P4HB: variants seen among roughly 807,000 people sequenced by gnomAD.
P4HB encodes the protein protein disulfide-isomerase.
A neutral mutation model predicts 52.6 loss-of-function variants in P4HB; 20 were observed. The observed-to-expected ratio is 0.38, with a 90% CI of 0.27 to 0.55. The LOEUF (loss-of-function observed/expected upper bound fraction) is 0.55, where lower values mean the gene tolerates loss of function less well. Ranked by LOEUF, P4HB falls within the 20% of genes least tolerant of loss-of-function variation. The pLI, the probability that P4HB is intolerant of heterozygous loss-of-function variation, is 0.74. For missense variants in P4HB, 601 were observed against 669.2 expected (o/e 0.90, Z 1.12); for synonymous variants, 296 against 277.9 (o/e 1.07, Z -0.65).
chr17:81,855,127 C>A lies in P4HB; in HGVS notation c.624+15G>T. 1 of 1,613,784 alleles carries A rather than the reference C, an allele frequency of 6.2e-7. No homozygotes were observed. Among genetic ancestry groups the A allele is most frequent in the South Asian group, 1.1e-5 (1 of 91,078 alleles). On this transcript the variant is annotated intron_variant, in intron 4 of 10. Transcript: ENST00000331483. This position sits in a 1 kb window ranked among gnomAD's most constrained non-coding sequence, Gnocchi z 4.3. Reference sequence around the variant, plus strand: ...CCCAGAACTAACCTGGGCAGAGCTGCCTGGGGCCACTCACCTTCTTAAAGA... The same window carrying A: ...CCCAGAACTAACCTGGGCAGAGCTGACTGGGGCCACTCACCTTCTTAAAGA...
Position 81,843,454 on chromosome 17 carries a change from G to T in P4HB, c.*558C>A. The T allele has an allele frequency of 2.5e-6, 1 of 399,740 alleles. No homozygotes were observed. The highest frequency in any genetic ancestry group is 4.4e-5 in the Admixed American group (1 of 22,860). 24.8% of individuals were successfully genotyped at this position (399,740 alleles called of 1,614,324 possible). On this transcript the variant is annotated 3_prime_UTR_variant, in exon 11 of 11. Coordinates refer to ENST00000331483, the MANE Select transcript of P4HB (RefSeq NM_000918.4). ...ACCAGCTCCTCTTCCAGGCATGGGG[G>T]ACACCCTGACAGGATCCGGAAGTCT...
rs2038984095 is a variant in P4HB, at chr17:81,860,523, G to A, written c.-52C>T. On this transcript the variant is annotated 5_prime_UTR_variant, in exon 1 of 11. Coordinates refer to ENST00000331483, the MANE Select transcript of P4HB (RefSeq NM_000918.4). The stretch of plus-strand genomic sequence containing the variant: ...TCGGTTGGCGCCGCCGGGACAGCGG[G>A]GGCGACGAGAGCGCGCGCCGGTCCC... 1.6e-6 allele frequency: 2 copies of A among 1,231,174 alleles called. No individual in the cohort carries two copies. Among genetic ancestry groups the A allele is most frequent in the Non-Finnish European group, 2.0e-6 (2 of 985,328 alleles). The allele number at this position is 1,231,174 out of a possible 1,614,324, so 76.3% of individuals were successfully genotyped here. A position where few individuals can be genotyped will look rare whatever the true frequency, so the allele number is the denominator to read the frequency against.
rs995356961 is a variant in P4HB, at chr17:81,843,725, G to A, written c.*287C>T. 6.3e-6 allele frequency: 3 copies of A among 476,168 alleles called. No individual in the cohort carries two copies. Among genetic ancestry groups the A allele is most frequent in the Non-Finnish European group, 1.1e-5 (3 of 269,972 alleles). The allele number at this position is 476,168 out of a possible 1,614,324, so 29.5% of individuals were successfully genotyped here. A position where few individuals can be genotyped will look rare whatever the true frequency, so the allele number is the denominator to read the frequency against. Reference sequence around the variant, plus strand: ...AGCGAGACTCCGAACACGGTAGCAAGCACTCTGGACAGACTCATGTATGAA... The same window carrying A: ...AGCGAGACTCCGAACACGGTAGCAAACACTCTGGACAGACTCATGTATGAA... On this transcript the variant is annotated 3_prime_UTR_variant, in exon 11 of 11. Transcript: ENST00000331483.
intron 2 of P4HB, among the ~76,000 whole-genome samples, chr17:81,856,767 G>A (rs1311975931): frequency 1.3e-5 from 2 of 149,852 alleles, no homozygotes; most frequent in Non-Finnish European, 3.0e-5. Flanking sequence ...CTCCTGCCTC[G>A]GCCTCCCAAA....
At position 81,843,700 on chromosome 17, in the gene P4HB, A is replaced by G; in HGVS notation, c.*312T>C. The G allele has an allele frequency of 2.3e-6, 1 of 430,994 alleles. No individual in the cohort carries two copies. Among genetic ancestry groups the G allele is most frequent in the Non-Finnish European group, 4.1e-6 (1 of 244,176 alleles). The allele number at this position is 430,994 out of a possible 1,614,324, so 26.7% of individuals were successfully genotyped here. A position where few individuals can be genotyped will look rare whatever the true frequency, so the allele number is the denominator to read the frequency against. ...GAGAAACCTCCCGCGGGAGGGAGGC[A>G]GCGAGACTCCGAACACGGTAGCAAG... On this transcript the variant is annotated 3_prime_UTR_variant, in exon 11 of 11. Coordinates refer to ENST00000331483, the MANE Select transcript of P4HB (RefSeq NM_000918.4).
At chr17:81,856,647 CTTTTTTT>C (rs112230345) in intron 2 of P4HB, among the ~76,000 whole-genome samples, 2 of 128,470 alleles carry the variant, frequency 1.6e-5, no homozygotes, top group Non-Finnish European at 3.3e-5. Context: ...AATGTTTCTT[CTTTTTTT>C]TTTTTTTTTT....
chr17:81,859,346 A>G lies in P4HB; in HGVS notation c.187T>C (p.Tyr63His). 5 of 1,613,748 alleles carry G rather than the reference A, an allele frequency of 3.1e-6. No individual in the cohort carries two copies. The highest frequency in any genetic ancestry group is 4.2e-6 in the Non-Finnish European group (5 of 1,180,002). Reference sequence around the variant, plus strand: ...TTCAGCTTCCCAGCGGCTTTGGCATACTCAGGGGCCAGAGCCTTGCAGTGG... The same window carrying G: ...TTCAGCTTCCCAGCGGCTTTGGCATGCTCAGGGGCCAGAGCCTTGCAGTGG... ...CGHCKALAPE[Y>H]AKAAGKLKAE... Residue 63 changes from tyrosine to histidine, a missense_variant, in exon 2 of 11, where the codon TAT becomes CAT. Tyr to His is a moderately conservative substitution (Grantham distance 83, BLOSUM62 2). Coordinates refer to ENST00000331483, the MANE Select transcript of P4HB (RefSeq NM_000918.4).
At chr17:81,844,150 G>A (rs2038695596) in intron 10 of P4HB, 58 bp from the exon 11 acceptor site, 7 of 1,198,388 alleles carry the variant, frequency 5.8e-6, no homozygotes, top group East Asian at 2.3e-5. Context: ...TGAGGCTGCC[G>A]GCCCCCAGCA....
chr17:81,844,164 C>A (rs1392014565), intron 10 of P4HB, 72 bp from the exon 11 acceptor site: 4 of 1,015,942 alleles, frequency 3.9e-6, no homozygotes, highest in African/African-American at 3.2e-5. Context: ...CCCAGCACCC[C>A]ACACTGCTCA....
chr17:81,843,357 G>A lies in P4HB; in HGVS notation c.*655C>T, dbSNP rs546905510. ...AGGCCAGTGGTCACAATGAGCCCACGACAGGAGGAGGAGCCCTGGCTTGAG... is the reference window on the plus strand; with the variant it reads ...AGGCCAGTGGTCACAATGAGCCCACAACAGGAGGAGGAGCCCTGGCTTGAG... On this transcript the variant is annotated 3_prime_UTR_variant, in exon 11 of 11. Coordinates refer to ENST00000331483, the MANE Select transcript of P4HB (RefSeq NM_000918.4). 30 of 397,208 alleles carry A rather than the reference G, an allele frequency of 7.6e-5. No homozygotes were observed. Among genetic ancestry groups the A allele is most frequent in the East Asian group, 3.2e-4 (9 of 28,024 alleles). The allele number at this position is 397,208 out of a possible 1,614,324, so 24.6% of individuals were successfully genotyped here. A position where few individuals can be genotyped will look rare whatever the true frequency, so the allele number is the denominator to read the frequency against.
chr17:81,846,819 G>T lies in P4HB; in HGVS notation c.855+128C>A. 1 of 1,320,264 alleles carries T rather than the reference G, an allele frequency of 7.6e-7. No individual in the cohort carries two copies. The highest frequency in any genetic ancestry group is 1.1e-6 in the Non-Finnish European group (1 of 939,858). 81.8% of individuals were successfully genotyped at this position (1,320,264 alleles called of 1,614,324 possible). On this transcript the variant is annotated intron_variant, in intron 6 of 10. Coordinates refer to ENST00000331483, the MANE Select transcript of P4HB (RefSeq NM_000918.4). This position sits in a 1 kb window ranked among gnomAD's most constrained non-coding sequence, Gnocchi z 5.7. ...TGGCTGGCCCCTCGCCTACATCCAG[G>T]CTGTCCTGAATCAGGTGCCCGATCC...
chr17:81,847,532 C>A, intron 4 of P4HB, 185 bp from the exon 5 acceptor site: 1 of 619,668 alleles, frequency 1.6e-6, no homozygotes, highest in Non-Finnish European at 2.9e-6. Flanking sequence ...TGGCTCTGGT[C>A]ACGGCCTTAT....
rs373050265 is a variant in P4HB, at chr17:81,847,722, G to T, written c.625-375C>A. ...TGAGACAGTCTCGCTCTGTTGCCCA[G>T]GCTGGAGTGCAGTGGCATGATCTTG... On this transcript the variant is annotated intron_variant, in intron 4 of 10. Transcript: ENST00000331483. 9.1e-5 allele frequency: 22 copies of T among 240,974 alleles called. No individual in the cohort carries two copies. In the East Asian group the frequency reaches 1.9e-3, roughly 20 times the overall value. 14.9% of individuals were successfully genotyped at this position (240,974 alleles called of 1,614,324 possible). A position where few individuals can be genotyped will look rare whatever the true frequency, so the allele number is the denominator to read the frequency against.
intron 4 of P4HB, among the ~76,000 whole-genome samples, chr17:81,848,110 C>G (rs1205786122): frequency 3.9e-5 from 6 of 152,182 alleles, no homozygotes; most frequent in Non-Finnish European, 8.8e-5. Flanking sequence ...CCACGTTAGC[C>G]AGGATGGTCT....
rs202116664 is a variant in P4HB at position 81,844,044 on chromosome 17, C to T, written c.1495G>A (p.Asp499Asn). Residue 499 changes from aspartate to asparagine, a missense_variant, in exon 11 of 11, where the codon GAT becomes AAT. Coordinates refer to ENST00000331483, the MANE Select transcript of P4HB (RefSeq NM_000918.4). ...TCATCTTTCACAGCTTTCTGATCAT[C>T]GTCTTCCTCCATGTCTGGCTCCTCT... ...EAEEPDMEEDDDQKAVKDEL is the reference protein window; with the variant it reads ...EAEEPDMEEDNDQKAVKDEL 5 of 1,613,750 alleles carry T rather than the reference C, an allele frequency of 3.1e-6. No individual in the cohort carries two copies. Among genetic ancestry groups the T allele is most frequent in the African/African-American group, 2.7e-5 (2 of 74,932 alleles).
intron 10 of P4HB, among the ~76,000 whole-genome samples, chr17:81,844,657 C>T (rs1191836758): frequency 2.0e-5 from 3 of 152,190 alleles, no homozygotes; most frequent in Non-Finnish European, 4.4e-5. Flanking sequence ...TCTCCTTCAC[C>T]ATGGTCAAGC....
In P4HB at chr17:81,845,083, T is replaced by C. The variant is rs553601616; in HGVS notation, c.1446+61A>G. On this transcript the variant is annotated intron_variant, in intron 10 of 10. Transcript: ENST00000331483. ...ATCACAAGCCGAGCCCAAGTGGGCATGTCCCGTGGGGCCAAGGGGCTGAAT... is the reference window on the plus strand; with the variant it reads ...ATCACAAGCCGAGCCCAAGTGGGCACGTCCCGTGGGGCCAAGGGGCTGAAT... 22 of 1,308,984 alleles carry C rather than the reference T, an allele frequency of 1.7e-5. No homozygotes were observed. The African/African-American group carries it at 3.0e-4, about 18-fold the overall frequency. 81.1% of individuals were successfully genotyped at this position (1,308,984 alleles called of 1,614,324 possible). A position where few individuals can be genotyped will look rare whatever the true frequency, so the allele number is the denominator to read the frequency against.
At position 81,855,055 on chromosome 17, in the gene P4HB, G is replaced by A; in HGVS notation, c.624+87C>T. On this transcript the variant is annotated intron_variant, in intron 4 of 10. Transcript: ENST00000331483. This position sits in a 1 kb window ranked among gnomAD's most constrained non-coding sequence, Gnocchi z 4.3. ...ATTGGGCCAAAGGTGCCAGGAGCAA[G>A]GTTCCCTTAACGATAAGGAGAGCAA... The A allele has an allele frequency of 7.4e-7, 1 of 1,348,472 alleles. No individual in the cohort carries two copies. The highest frequency in any genetic ancestry group is 1.1e-6 in the Non-Finnish European group (1 of 947,724). 83.5% of individuals were successfully genotyped at this position (1,348,472 alleles called of 1,614,324 possible). A position where few individuals can be genotyped will look rare whatever the true frequency, so the allele number is the denominator to read the frequency against.
intron 2 of P4HB, among the ~76,000 whole-genome samples, chr17:81,856,321 C>T (rs946526444): frequency 2.0e-5 from 3 of 151,600 alleles, no homozygotes; most frequent in African/African-American, 7.3e-5. Flanking sequence ...CATGTGCCAC[C>T]ACACCCAACT....
Sources: allele counts gnomAD v4.1 joint callset (sites outside exome capture counted in the v4.1 genomes callset), GRCh38; gene constraint gnomAD v4.1.1; non-coding constraint Gnocchi (gnomAD v3.1); transcripts MANE v1.5; gene names NCBI Gene and HGNC (gene_info 2026-07-23, HGNC 2026-07-21).